Variants in TMTC2 observed in about 807,000 individuals in gnomAD.
The protein encoded by TMTC2 is transmembrane O-mannosyltransferase targeting cadherins 2, also known as protein O-mannosyl-transferase TMTC2.
Under a neutral mutation model 82.4 loss-of-function variants are expected in TMTC2, and 43 were observed. The ratio of observed to expected loss-of-function variants is 0.52; its 90% CI spans 0.41 to 0.67. The LOEUF (loss-of-function observed/expected upper bound fraction) is 0.67. TMTC2 is among the 30% of genes least tolerant of loss of function. The pLI is 0.00. For missense variants in TMTC2, 919 were observed against 1,012.4 expected, an observed-to-expected ratio of 0.91 and a Z score of 1.25; for synonymous variants, 408 against 381.9, an observed-to-expected ratio of 1.07 and a Z score of -0.80.
At chr12:82,798,246 C>T (rs113383132) in intron 1 of TMTC2, among the ~76,000 whole-genome samples, 8,271 of 149,028 alleles carry the variant, frequency 0.055, 277 homozygotes, top group Middle Eastern at 0.13. Flanking sequence ...TGAGCCACCA[C>T]GCCCGGCCAC....
At chr12:82,739,519 A>G (rs1467433358) in intron 1 of TMTC2, among the ~76,000 whole-genome samples, 1 of 152,146 alleles carries the variant, frequency 6.6e-6, no homozygotes, top group African/African-American at 2.4e-5. Context: ...TAGATGGAGT[A>G]TGGGTGCCTT....
At chr12:83,051,845 C>A (rs1882359161) in intron 10 of TMTC2, among the ~76,000 whole-genome samples, 1 of 151,886 alleles carries the variant, frequency 6.6e-6, no homozygotes, top group Non-Finnish European at 1.5e-5. Flanking sequence ...AATATAAGGC[C>A]AGATTATCAG....
chr12:82,873,105 G>A (rs1372571731), intron 2 of TMTC2, among the ~76,000 whole-genome samples: 1 of 152,078 alleles, frequency 6.6e-6, no homozygotes, highest in African/African-American at 2.4e-5. Flanking sequence ...AGAATGCAGT[G>A]TATTGATTTT....
rs12316285 is a variant in TMTC2, at chr12:82,954,076, A to G, written c.1599-10948A>G. Among the ~76,000 whole-genome samples, 847 of 151,992 alleles carry G rather than the reference A, an allele frequency of 5.6e-3. 4 individuals are homozygous for G. The highest frequency in any genetic ancestry group is 0.019 in the African/African-American group (801 of 41,536). On this transcript the variant is annotated intron_variant, in intron 4 of 11. Coordinates refer to ENST00000321196, the MANE Select transcript of TMTC2 (RefSeq NM_152588.3). ...ATTACTGAAACTCATTCTTGGTAAT[A>G]TAGTCCTAATTTTCATTTGTCTTAG...
intron 1 of TMTC2, among the ~76,000 whole-genome samples, chr12:82,788,623 T>C (rs554583494): frequency 6.6e-6 from 1 of 152,278 alleles, no homozygotes; most frequent in Admixed American, 6.5e-5. Flanking sequence ...CTACCTTACT[T>C]ACCTTTCTCT....
chr12:82,796,113 T>C (rs1878706242), intron 1 of TMTC2, among the ~76,000 whole-genome samples: 1 of 152,076 alleles, frequency 6.6e-6, no homozygotes, highest in Non-Finnish European at 1.5e-5. Flanking sequence ...CGGCCTCCCA[T>C]GGGCCTTTTG....
chr12:82,882,684 A>C (rs1255535854), intron 2 of TMTC2, among the ~76,000 whole-genome samples: 1 of 152,114 alleles, frequency 6.6e-6, no homozygotes, highest in Non-Finnish European at 1.5e-5. Flanking sequence ...AAATTGCTGA[A>C]TAGTTTAAAA....
chr12:82,725,038 G>A (rs1874383647), intron 1 of TMTC2, among the ~76,000 whole-genome samples: 1 of 151,938 alleles, frequency 6.6e-6, no homozygotes, highest in African/African-American at 2.4e-5. Flanking sequence ...CAAAATTTCT[G>A]AGCATTCTTT....
At chr12:82,969,134 A>C (rs1273047429) in intron 7 of TMTC2, among the ~76,000 whole-genome samples, 2 of 152,164 alleles carry the variant, frequency 1.3e-5, no homozygotes, top group African/African-American at 4.8e-5. Flanking sequence ...CAAGAAAAAA[A>C]ATGACCCAGG....
chr12:82,926,490 G>A (rs1171655632), intron 3 of TMTC2, among the ~76,000 whole-genome samples: 1 of 152,166 alleles, frequency 6.6e-6, no homozygotes, highest in Non-Finnish European at 1.5e-5. Context: ...TTAAGTACAG[G>A]GTGAAGCAGT....
At chr12:83,062,393 A>C (rs897546361) in intron 11 of TMTC2, among the ~76,000 whole-genome samples, 1 of 151,804 alleles carries the variant, frequency 6.6e-6, no homozygotes, top group Non-Finnish European at 1.5e-5. Context: ...GTAACCATCT[A>C]TAAGAAAATA....
chr12:82,931,731 A>G (rs1467011712), intron 4 of TMTC2, among the ~76,000 whole-genome samples: 3 of 152,276 alleles, frequency 2.0e-5, no homozygotes, highest in Admixed American at 6.5e-5. Context: ...CTCTATAACA[A>G]TGGGAAAGAT....
chr12:82,789,324 C>A (rs1878339932), intron 1 of TMTC2, among the ~76,000 whole-genome samples: 1 of 151,956 alleles, frequency 6.6e-6, no homozygotes, highest in Admixed American at 6.6e-5. Context: ...TGTGTGTATG[C>A]TGAATTTTAG....
chr12:82,704,663 T>C (rs956989009), intron 1 of TMTC2, among the ~76,000 whole-genome samples: 1 of 151,908 alleles, frequency 6.6e-6, no homozygotes, highest in Non-Finnish European at 1.5e-5. Context: ...AAAATAGTAT[T>C]TTTTTTTGTT....
chr12:82,935,958 A>G (rs948176715), intron 4 of TMTC2, among the ~76,000 whole-genome samples: 8 of 152,126 alleles, frequency 5.3e-5, no homozygotes, highest in Admixed American at 1.3e-4. Flanking sequence ...GAAGTAATGC[A>G]TAATCTAAGA....
At chr12:82,972,518 C>G (rs375344797) in intron 7 of TMTC2, among the ~76,000 whole-genome samples, 3 of 151,536 alleles carry the variant, frequency 2.0e-5, no homozygotes, top group Non-Finnish European at 2.9e-5. Flanking sequence ...TCACAGAGAA[C>G]GAGGGAGAAA....
chr12:82,989,773 A>T (rs1366082443), intron 8 of TMTC2, among the ~76,000 whole-genome samples: 12 of 149,352 alleles, frequency 8.0e-5, no homozygotes, highest in African/African-American at 2.9e-4. Context: ...TTTCAGATTT[A>T]GAAGTTTTAA....
chr12:82,782,652 G>T (rs969096055), intron 1 of TMTC2, among the ~76,000 whole-genome samples: 3 of 152,162 alleles, frequency 2.0e-5, no homozygotes, highest in Non-Finnish European at 4.4e-5. Flanking sequence ...TGAGATCAGC[G>T]TTTGGATAGT....
At position 82,941,741 on chromosome 12, in the gene TMTC2, G is replaced by T. The variant is rs370861198; in HGVS notation, c.1598+11196G>T. On this transcript the variant is annotated intron_variant, in intron 4 of 11. Transcript: ENST00000321196. ...TGTATACCTACTGATGTGGGATAAT[G>T]ATTTTTTGTTGTTGTTTTTGTTTTG... Among the ~76,000 whole-genome samples, 28 of 152,106 alleles carry T rather than the reference G, an allele frequency of 1.8e-4. No homozygotes were observed. In the South Asian group the frequency reaches 5.8e-3, roughly 32 times the overall value.
Sources: allele counts gnomAD v4.1 joint callset (sites outside exome capture counted in the v4.1 genomes callset), GRCh38; gene constraint gnomAD v4.1.1; transcripts MANE v1.5; gene names NCBI Gene and HGNC (gene_info 2026-07-23, HGNC 2026-07-21).